Variants in NKD2 observed in about 807,000 individuals in gnomAD.
NKD2 encodes the protein NKD inhibitor of Wnt signaling pathway 2.
NKD2 carries 43 observed loss-of-function variants against 34.8 expected under a neutral mutation model. The observed-to-expected ratio is 1.24, with a 90% confidence interval of 0.97 to 1.60. The LOEUF (loss-of-function observed/expected upper bound fraction) is 1.60. Among genes scored for constraint, NKD2 ranks in the 40% most tolerant of loss-of-function variants. The probability of loss-of-function intolerance (pLI) is 0.00; values close to 1 mark genes in which losing one functional copy is unlikely to be tolerated. For missense variants in NKD2, 675 were observed against 627.1 expected (o/e 1.08, Z -0.82); for synonymous variants, 278 against 265.1 (o/e 1.05, Z -0.47).
chr5:1,028,458 A>G (rs1413269171), intron 3 of NKD2, among the ~76,000 whole-genome samples: 3 of 152,156 alleles, frequency 2.0e-5, no homozygotes, highest in African/African-American at 7.2e-5. Flanking sequence ...TGAGCTGCTC[A>G]GGCAGATGCG....
At chr5:1,029,726 G>A (rs891681540) in intron 3 of NKD2, among the ~76,000 whole-genome samples, 14 of 152,148 alleles carry the variant, frequency 9.2e-5, no homozygotes, top group African/African-American at 1.7e-4. Context: ...CCAACCCGTC[G>A]CCCGCTGCCT....
rs933246129 is a variant in NKD2, at chr5:1,009,741, C to A, written c.141+181C>A. On this transcript the variant is annotated intron_variant, in intron 3 of 9. Coordinates refer to ENST00000296849, the MANE Select transcript of NKD2 (RefSeq NM_033120.4). The surrounding 1 kb of genome is among the most constrained non-coding windows in gnomAD (Gnocchi z 6.9). Reference sequence around the variant, plus strand: ...CAGCCTCCACGACGTCTGGGGCTCCCGTGGGGCGAGCCCTTGCTAGTGTCC... The same window carrying A: ...CAGCCTCCACGACGTCTGGGGCTCCAGTGGGGCGAGCCCTTGCTAGTGTCC... 4.6e-5 allele frequency among the ~76,000 whole-genome samples: 7 copies of A among 152,244 alleles called. No homozygotes were observed. In the East Asian group the frequency reaches 1.4e-3, roughly 30 times the overall value.
chr5:1,013,579 T>C (rs10071261), intron 3 of NKD2, among the ~76,000 whole-genome samples: 107,556 of 152,216 alleles, frequency 0.71, 44,525 homozygotes, highest in South Asian at 0.91. Flanking sequence ...TTGGATACCA[T>C]GTATGTAGTT....
chr5:1,033,352 G>A lies in NKD2; in HGVS notation c.203-20G>A, dbSNP rs776239668. On this transcript the variant is annotated intron_variant, in intron 4 of 9. Transcript: ENST00000296849. ...CCATGTGCCCTCTGCCAGCCCCTTC[G>A]CCTCCTCTTGTCCCCCTAGTGGCAC... 44 of 1,584,202 alleles carry A rather than the reference G, an allele frequency of 2.8e-5. No homozygotes were observed. Among genetic ancestry groups the A allele is most frequent in the Non-Finnish European group, 3.4e-5 (40 of 1,165,416 alleles).
Position 1,009,410 on chromosome 5 carries a change from C to G in NKD2, c.62-71C>G. 7.5e-7 allele frequency: 1 copy of G among 1,331,880 alleles called. No homozygotes were observed. The highest frequency in any genetic ancestry group is 1.0e-6 in the Non-Finnish European group (1 of 989,916). The allele number at this position is 1,331,880 out of a possible 1,614,324, so 82.5% of individuals were successfully genotyped here. Reference sequence around the variant, plus strand: ...TGGGGACACAGCGAAGGCGCAGCGCCCGCGGGGCTCACGGCGCGTCTCTTT... The same window carrying G: ...TGGGGACACAGCGAAGGCGCAGCGCGCGCGGGGCTCACGGCGCGTCTCTTT... On this transcript the variant is annotated intron_variant, in intron 2 of 9. Coordinates refer to ENST00000296849, the MANE Select transcript of NKD2 (RefSeq NM_033120.4). This position sits in a 1 kb window ranked among gnomAD's most constrained non-coding sequence, Gnocchi z 6.9.
At chr5:1,028,757 C>T (rs992096904) in intron 3 of NKD2, among the ~76,000 whole-genome samples, 49 of 150,276 alleles carry the variant, frequency 3.3e-4, no homozygotes, top group African/African-American at 1.2e-3. Flanking sequence ...AGGAGGGTCT[C>T]GCTAGGGACA....
At chr5:1,013,691 T>C (rs1755843907) in intron 3 of NKD2, among the ~76,000 whole-genome samples, 2 of 150,674 alleles carry the variant, frequency 1.3e-5, no homozygotes, top group Non-Finnish European at 2.9e-5. Flanking sequence ...GGCTCTGGGG[T>C]GCTGACTGGG....
intron 9 of NKD2, chr5:1,037,582 G>C (rs561294669): frequency 1.3e-6 from 2 of 1,535,776 alleles, no homozygotes; most frequent in South Asian, 2.4e-5. Context: ...CAAGGCTAGA[G>C]GAGTCGGCCT....
intron 3 of NKD2, among the ~76,000 whole-genome samples, chr5:1,013,634 G>A (rs575296111): frequency 2.0e-5 from 3 of 152,282 alleles, no homozygotes; most frequent in Admixed American, 6.5e-5. Flanking sequence ...CTGTGTGTGC[G>A]CCCAAGCTCT....
At chr5:1,019,331 C>A (rs58621278) in intron 3 of NKD2, among the ~76,000 whole-genome samples, 1 of 152,174 alleles carries the variant, frequency 6.6e-6, no homozygotes, top group Non-Finnish European at 1.5e-5. Flanking sequence ...AACAAAGATG[C>A]GCGTGGTCTT....
intron 3 of NKD2, among the ~76,000 whole-genome samples, chr5:1,021,999 G>T (rs1756211333): frequency 1.3e-5 from 2 of 152,124 alleles, no homozygotes; most frequent in South Asian, 4.1e-4. Context: ...CCTGTTTCCT[G>T]CTGGCCTCAT....
chr5:1,025,751 T>C (rs1579261926), intron 3 of NKD2, among the ~76,000 whole-genome samples: 1 of 84,334 alleles, frequency 1.2e-5, no homozygotes, highest in Admixed American at 1.1e-4. Flanking sequence ...GCTGTGGGCG[T>C]CTCAGCCCAT....
chr5:1,017,623 C>T (rs566290682), intron 3 of NKD2, among the ~76,000 whole-genome samples: 193 of 152,216 alleles, frequency 1.3e-3, no homozygotes, highest in Non-Finnish European at 2.3e-3. Context: ...GGCTGAGTCC[C>T]GGAGCCAGGA....
In NKD2 at chr5:1,009,175, G is replaced by A; in HGVS notation, c.26-4G>A. The A allele has an allele frequency of 8.9e-6, 5 of 561,334 alleles. No individual in the cohort carries two copies. The highest frequency in any genetic ancestry group is 2.1e-5 in the South Asian group (1 of 47,800). 34.8% of individuals were successfully genotyped at this position (561,334 alleles called of 1,614,324 possible). ...TCCTCTCCCCGCGTCCCGCCGTGCC[G>A]CAGCCGCCGCCGCCCGCAAGCGGAG... On this transcript the variant is annotated splice_region_variant and splice_polypyrimidine_tract_variant and intron_variant, in intron 1 of 9. Transcript: ENST00000296849. This position sits in a 1 kb window ranked among gnomAD's most constrained non-coding sequence, Gnocchi z 6.9.
At chr5:1,037,722 C>G (rs962171087) in intron 9 of NKD2, 83 bp from the exon 10 acceptor site, 2 of 1,564,678 alleles carry the variant, frequency 1.3e-6, no homozygotes, top group Non-Finnish European at 8.6e-7. Context: ...CGCAGCTCTT[C>G]CAGTGGGCCC....
At chr5:1,014,851 T>G (rs1755885414) in intron 3 of NKD2, among the ~76,000 whole-genome samples, 1 of 152,234 alleles carries the variant, frequency 6.6e-6, no homozygotes, top group African/African-American at 2.4e-5. Context: ...AGCCACCATA[T>G]GGCCGTGTTA....
intron 3 of NKD2, among the ~76,000 whole-genome samples, chr5:1,014,744 T>C (rs1020681441): frequency 6.6e-6 from 1 of 152,192 alleles, no homozygotes; most frequent in Non-Finnish European, 1.5e-5. Context: ...GGCCAAGGGC[T>C]CCTGTCCTCC....
At chr5:1,032,314 C>T (rs756281103) in intron 4 of NKD2, 102 bp downstream of exon 4, 16 of 883,776 alleles carry the variant, frequency 1.8e-5, no homozygotes, top group South Asian at 1.3e-4. Context: ...GTGTGCGGAG[C>T]GAGGGCACTT....
At chr5:1,034,675 G>T (rs1270991875) in intron 6 of NKD2, 81 bp from the exon 7 acceptor site, 5 of 1,414,046 alleles carry the variant, frequency 3.5e-6, no homozygotes, top group Non-Finnish European at 4.9e-6. Flanking sequence ...AGGGGCGGGG[G>T]CTGGATGTGT....
Sources: gnomAD v4.1 joint callset for allele counts (sites outside exome capture counted in the v4.1 genomes callset) on GRCh38, gnomAD v4.1.1 for gene constraint, Gnocchi (gnomAD v3.1) non-coding constraint, MANE v1.5 for transcripts, NCBI Gene and HGNC (gene_info 2026-07-23, HGNC 2026-07-21) for gene names.